ASPRV1: variants seen among roughly 807,000 people sequenced by gnomAD.
ASPRV1 encodes aspartic peptidase retroviral like 1, also known as retroviral-like aspartic protease 1.
Under a neutral mutation model 11.0 loss-of-function variants are expected in ASPRV1, and 7 were observed. The observed-to-expected ratio is 0.64, with a 90% CI of 0.36 to 1.20. The LOEUF is 1.20. ASPRV1 is among the 50% of genes most tolerant of loss of function. The pLI, the probability that ASPRV1 is intolerant of heterozygous loss-of-function variation, is 0.02. For missense variants in ASPRV1, 299 were observed against 320.0 expected, an observed-to-expected ratio of 0.93 and a Z score of 0.50; for synonymous variants, 136 against 138.4, an observed-to-expected ratio of 0.98 and a Z score of 0.12.
chr2:70,072,014 C>T, the ASPRV1 span, among the ~76,000 whole-genome samples: 3 of 151,688 alleles, frequency 2.0e-5, no homozygotes, highest in Admixed American at 6.6e-5. Context: ...TGCAGTGGCA[C>T]GATCTCAGCT....
chr2:69,987,582 C>CA, the ASPRV1 span, among the ~76,000 whole-genome samples: 2,730 of 48,050 alleles, frequency 0.057, 37 homozygotes, highest in South Asian at 0.081. Context: ...CTCATCTCTA[C>CA]AAAAAAAAAA....
At chr2:70,085,190 C>G in the ASPRV1 span, among the ~76,000 whole-genome samples, 2 of 152,120 alleles carry the variant, frequency 1.3e-5, no homozygotes, top group Non-Finnish European at 2.9e-5. Flanking sequence ...CCATGGGGAG[C>G]TGACGGAAGC....
At chr2:70,060,573 G>A in the ASPRV1 span, among the ~76,000 whole-genome samples, 1 of 152,326 alleles carries the variant, frequency 6.6e-6, no homozygotes, top group South Asian at 2.1e-4. Flanking sequence ...AGCACTTTGG[G>A]AGGCCGAGGC....
chr2:69,988,446 A>G, the ASPRV1 span: 1 of 206,094 alleles, frequency 4.9e-6, no homozygotes, highest in Non-Finnish European at 1.0e-5. Flanking sequence ...TTCTACTTAC[A>G]TGAGGTGTCT....
the ASPRV1 span, among the ~76,000 whole-genome samples, chr2:70,076,980 C>G: frequency 2.0e-5 from 3 of 152,232 alleles, no homozygotes; most frequent in East Asian, 3.9e-4. Flanking sequence ...AGGGACTATC[C>G]GTACAAATGA....
the ASPRV1 span, chr2:69,996,940 A>G: frequency 3.2e-6 from 1 of 308,020 alleles, no homozygotes. Context: ...AGATGAGGGG[A>G]CAGTTTATTT....
chr2:69,969,867 ACAC>A, the ASPRV1 span, among the ~76,000 whole-genome samples: 2 of 150,396 alleles, frequency 1.3e-5, no homozygotes, highest in East Asian at 1.9e-4. Flanking sequence ...TCAGAGGTGC[ACAC>A]CACCACATCT....
the ASPRV1 span, among the ~76,000 whole-genome samples, chr2:70,037,553 G>A: frequency 6.6e-6 from 1 of 152,184 alleles, no homozygotes; most frequent in Non-Finnish European, 1.5e-5. Flanking sequence ...ACTGCGCCTG[G>A]CTGAAATAGC....
the ASPRV1 span, among the ~76,000 whole-genome samples, chr2:69,945,514 GTGGCTGC>G: frequency 1.6e-4 from 24 of 152,350 alleles, no homozygotes; most frequent in East Asian, 2.9e-3. Flanking sequence ...TGAGGTAGAT[GTGGCTGC>G]TGGCTGCTGG....
chr2:70,059,200 A>AT, the ASPRV1 span, among the ~76,000 whole-genome samples: 1 of 148,578 alleles, frequency 6.7e-6, no homozygotes, highest in Admixed American at 6.7e-5. Context: ...CCACCAACTA[A>AT]TTTTTTTAAA....
At chr2:70,077,343 CTT>C in the ASPRV1 span, 1 of 152,050 alleles carries the variant, frequency 6.6e-6, no homozygotes, top group Non-Finnish European at 1.5e-5. Context: ...GGGCTGCAGT[CTT>C]TTTATTTCAT....
the ASPRV1 span, among the ~76,000 whole-genome samples, chr2:69,944,989 A>G: frequency 1.3e-5 from 2 of 152,132 alleles, no homozygotes; most frequent in South Asian, 2.1e-4. Flanking sequence ...TACCCAGTGC[A>G]GCTTTGACTC....
the ASPRV1 span, chr2:70,016,130 T>C: frequency 2.0e-5 from 3 of 152,286 alleles, no homozygotes; most frequent in Admixed American, 2.0e-4. Context: ...CAAGTGCACA[T>C]GGAACATTCT....
chr2:69,939,013 G>C, the ASPRV1 span: 1 of 152,498 alleles, frequency 6.6e-6, no homozygotes, highest in African/African-American at 2.4e-5. Flanking sequence ...ACCTCGCTGT[G>C]TTCTGCTATC....
the ASPRV1 span, among the ~76,000 whole-genome samples, chr2:69,952,547 G>GGGAAA: frequency 2.9e-5 from 4 of 139,194 alleles, no homozygotes; most frequent in Admixed American, 1.5e-4. Context: ...GAAAAGGGAA[G>GGGAAA]GGAAAGGAAG....
chr2:70,044,573 C>A, the ASPRV1 span, among the ~76,000 whole-genome samples: 1 of 152,184 alleles, frequency 6.6e-6, no homozygotes, highest in Non-Finnish European at 1.5e-5. Flanking sequence ...GATTCTCCTG[C>A]CACAGCCTCC....
chr2:70,069,770 G>C, the ASPRV1 span, among the ~76,000 whole-genome samples: 1 of 152,046 alleles, frequency 6.6e-6, no homozygotes, highest in Admixed American at 6.6e-5. Context: ...TTCATCAAAG[G>C]AGTCAGGTTA....
the ASPRV1 span, among the ~76,000 whole-genome samples, chr2:70,079,536 G>C: frequency 2.6e-5 from 4 of 152,022 alleles, no homozygotes; most frequent in African/African-American, 7.2e-5. Flanking sequence ...GGGATCCAAG[G>C]ACTGCTCTGA....
the ASPRV1 span, chr2:70,071,652 G>C: frequency 1.3e-5 from 2 of 152,164 alleles, no homozygotes; most frequent in South Asian, 2.1e-4. Context: ...CAAGGCAGAA[G>C]AATCACTTGA....
Sources: allele counts gnomAD v4.1 joint callset (sites outside exome capture counted in the v4.1 genomes callset), GRCh38; gene constraint gnomAD v4.1.1; transcripts MANE v1.5; gene names NCBI Gene and HGNC (gene_info 2026-07-23, HGNC 2026-07-21).